MPC2: variants seen among roughly 807,000 people sequenced by gnomAD.
The protein encoded by MPC2 is brain protein 44.
MPC2 carries 19 observed loss-of-function variants against 19.2 expected under a neutral mutation model. The ratio of observed to expected loss-of-function variants is 0.99; its 90% CI spans 0.69 to 1.45. MPC2 has a LOEUF of 1.45. Among genes scored for constraint, MPC2 ranks in the 40% most tolerant of loss-of-function variants. The pLI, the probability that MPC2 is intolerant of heterozygous loss-of-function variation, is 0.00. For synonymous variants in MPC2, 61 were observed against 54.3 expected (o/e 1.12, Z -0.54); for missense variants, 122 against 153.0 (o/e 0.80, Z 1.07).
At chr1:167,924,241 C>T (rs1002622524) in intron 3 of MPC2, among the ~76,000 whole-genome samples, 3 of 151,974 alleles carry the variant, frequency 2.0e-5, no homozygotes, top group Admixed American at 2.0e-4. Context: ...ATTTCATGTC[C>T]ATGTGGTGCA....
chr1:167,937,072 TG>T (rs776859560), upstream of MPC2: 6 of 1,403,302 alleles, frequency 4.3e-6, no homozygotes, highest in East Asian at 9.6e-5. Flanking sequence ...GGGGGCACGC[TG>T]CCGGGTCTGT....
intron 1 of MPC2, 94 bp downstream of exon 1, chr1:167,936,845 G>C (rs961262424): frequency 4.4e-6 from 6 of 1,358,482 alleles, no homozygotes; most frequent in Non-Finnish European, 5.1e-6. Flanking sequence ...GTTGAAACGG[G>C]TGTCCCCTCC....
Position 167,927,316 on chromosome 1 carries a change from C to T in MPC2, c.110-2779G>A, listed in dbSNP as rs1247159211. Among the ~76,000 whole-genome samples, 12 of 152,172 alleles carry T rather than the reference C, an allele frequency of 7.9e-5. No homozygotes were observed. In the East Asian group the frequency reaches 2.3e-3, roughly 29 times the overall value. ...AGTCTGATGCCATAATGCATTAATC[C>T]TATAAGTCAGTCTTCTCAAACTCTC... On this transcript the variant is annotated intron_variant, in intron 2 of 5. Transcript: ENST00000271373.
At chr1:167,935,974 C>A in intron 1 of MPC2, 76 bp from the exon 2 acceptor site, 2 of 697,828 alleles carry the variant, frequency 2.9e-6, no homozygotes, top group Non-Finnish European at 4.9e-6. Flanking sequence ...GTACCCTTCC[C>A]GCGGCTTTCC....
At chr1:167,926,180 G>A (rs1286496699) in intron 2 of MPC2, among the ~76,000 whole-genome samples, 2 of 152,110 alleles carry the variant, frequency 1.3e-5, no homozygotes, top group South Asian at 2.1e-4. Flanking sequence ...GTGTACGTTC[G>A]AATTTTCCGT....
intron 2 of MPC2, among the ~76,000 whole-genome samples, chr1:167,926,714 A>G (rs1278364849): frequency 1.3e-5 from 2 of 152,174 alleles, no homozygotes; most frequent in East Asian, 3.9e-4. Context: ...CCGCTCCCAG[A>G]AAGTAGAGGG....
rs1197746767 is a variant in MPC2, at chr1:167,925,470, T to TATATATATATAC, written c.110-934_110-933insGTATATATATAT. 3.2e-4 allele frequency among the ~76,000 whole-genome samples: 34 copies of TATATATATATAC among 107,756 alleles called. No homozygotes were observed. The East Asian group carries it at 8.8e-3, about 28-fold the overall frequency. 70.7% of individuals were successfully genotyped at this position (107,756 alleles called of 152,430 possible). A position where few individuals can be genotyped will look rare whatever the true frequency, so the allele number is the denominator to read the frequency against. On this transcript the variant is annotated intron_variant, in intron 2 of 5. Transcript: ENST00000271373. ...ATATATATATATATATATATATATA[T>TATATATATATAC]ATATACATATACATATACACACACA...
At chr1:167,925,449 A>ATATC (rs1670716126) in intron 2 of MPC2, among the ~76,000 whole-genome samples, 71 of 104,572 alleles carry the variant, frequency 6.8e-4, no homozygotes, top group African/African-American at 2.6e-3. Context: ...ACACATATAT[A>ATATC]TATATATATA....
intron 4 of MPC2, among the ~76,000 whole-genome samples, 166 bp from the exon 5 acceptor site, chr1:167,920,256 AC>A (rs1032111930): frequency 1.1e-4 from 17 of 152,230 alleles, no homozygotes; most frequent in Non-Finnish European, 2.4e-4. Context: ...CACAGAAAAT[AC>A]TCAATTCTTA....
In MPC2 at chr1:167,936,981, C is replaced by T; in HGVS notation, c.-100G>A. On this transcript the variant is annotated 5_prime_UTR_variant, in exon 1 of 6. Coordinates refer to ENST00000271373, the MANE Select transcript of MPC2 (RefSeq NM_001143674.4). ...GAAAAGGTCCCTCGGGCTGGAGGAC[C>T]CGTCCCGGCTGCGGAGTCGCTACCT... 6.2e-7 allele frequency: 1 copy of T among 1,610,854 alleles called. No homozygotes were observed. Among genetic ancestry groups the T allele is most frequent in the Non-Finnish European group, 8.5e-7 (1 of 1,179,100 alleles).
At chr1:167,925,546 G>GTTTT (rs1557854280) in intron 2 of MPC2, among the ~76,000 whole-genome samples, 1 of 101,830 alleles carries the variant, frequency 9.8e-6, no homozygotes, top group African/African-American at 3.6e-5. Flanking sequence ...TTTTTTTTTG[G>GTTTT]TTTTTTTTGT....
chr1:167,935,227 C>A (rs1412075529), intron 2 of MPC2, among the ~76,000 whole-genome samples: 1 of 152,192 alleles, frequency 6.6e-6, no homozygotes, highest in African/African-American at 2.4e-5. Flanking sequence ...ATGACACTGA[C>A]TCAAGCCTGG....
At chr1:167,920,466 G>A in intron 4 of MPC2, 81 bp downstream of exon 4, 1 of 1,389,266 alleles carries the variant, frequency 7.2e-7, no homozygotes, top group Non-Finnish European at 9.9e-7. Context: ...CAAACACTAA[G>A]CCACTAAATA....
intron 2 of MPC2, among the ~76,000 whole-genome samples, chr1:167,926,894 C>A (rs936256479): frequency 7.2e-5 from 11 of 152,158 alleles, no homozygotes; most frequent in East Asian, 1.9e-4. Flanking sequence ...TCAAGGAAGC[C>A]TTAAAAAACA....
At chr1:167,936,814 T>TG in intron 1 of MPC2, 125 bp downstream of exon 1, 1 of 1,102,516 alleles carries the variant, frequency 9.1e-7, no homozygotes, top group Non-Finnish European at 1.3e-6. Flanking sequence ...GGCGCGCGGA[T>TG]GGTGCCGGTG....
Position 167,924,509 on chromosome 1 carries a change from T to C in MPC2, c.138A>G (p.Pro46=). Reference sequence around the variant, plus strand: ...ACTCAAGACTTACCCATTTCATAATTGGAGCCCAGAAGAAAACTGTTCTGG... The same window carrying C: ...ACTCAAGACTTACCCATTTCATAATCGGAGCCCAGAAGAAAACTGTTCTGG... The part of the protein sequence containing the change: ...AGPRTVFFWA[P]IMKWGLVCAG... The change falls in exon 3 of 6, where the codon CCA becomes CCG. Residue 46 remains proline (P), a synonymous_variant. Coordinates refer to ENST00000271373, the MANE Select transcript of MPC2 (RefSeq NM_001143674.4). The C allele has an allele frequency of 6.3e-7, 1 of 1,588,432 alleles. No homozygotes were observed. The highest frequency in any genetic ancestry group is 8.6e-7 in the Non-Finnish European group (1 of 1,169,576).
At chr1:167,926,610 A>G (rs527534430) in intron 2 of MPC2, among the ~76,000 whole-genome samples, 151 of 152,314 alleles carry the variant, frequency 9.9e-4, no homozygotes, top group African/African-American at 3.5e-3. Flanking sequence ...TGGTGCCCCA[A>G]CTGCTGCAGA....
intron 3 of MPC2, among the ~76,000 whole-genome samples, chr1:167,921,939 T>C (rs960272952): frequency 5.3e-5 from 8 of 152,206 alleles, no homozygotes; most frequent in Admixed American, 3.9e-4. Context: ...CTTTGACCTT[T>C]ATGATTAGTT....
chr1:167,936,325 C>T (rs1052652437), intron 1 of MPC2: 2 of 183,232 alleles, frequency 1.1e-5, no homozygotes, highest in African/African-American at 4.8e-5. Context: ...TTAAGCAGGC[C>T]CGTAGTTAAA....
Sources: allele counts gnomAD v4.1 joint callset (sites outside exome capture counted in the v4.1 genomes callset), GRCh38; gene constraint gnomAD v4.1.1; transcripts MANE v1.5; gene names NCBI Gene and HGNC (gene_info 2026-07-23, HGNC 2026-07-21).